The following LRP2 variants were observed in gnomAD, a reference collection of about 807,000 sequenced individuals.
LRP2 encodes low-density lipoprotein receptor-related protein 2.
LRP2 carries 172 observed loss-of-function variants against 531.0 expected under a neutral mutation model. That is an observed-to-expected ratio of 0.32 (90% confidence interval 0.29 to 0.37). The LOEUF is 0.37. Ranked by LOEUF, LRP2 falls within the 10% of genes least tolerant of loss-of-function variation. The pLI is 1.00. For missense variants in LRP2, 5,167 were observed against 5,868.3 expected (o/e 0.88, Z 3.90); for synonymous variants, 1,992 against 2,027.6 (o/e 0.98, Z 0.47).
At position 169,152,970 on chromosome 2, in the gene LRP2, G is replaced by T; in HGVS notation, c.12296-6C>A. The T allele has an allele frequency of 1.2e-6, 2 of 1,613,540 alleles. No homozygotes were observed. The highest frequency in any genetic ancestry group is 1.7e-6 in the Non-Finnish European group (2 of 1,179,826). ...CACAGTGTAATACACAACACCTACA[G>T]AGGAAGACACACAGGTCAGTTTCAT... On this transcript the variant is annotated splice_region_variant and splice_polypyrimidine_tract_variant and intron_variant, in intron 66 of 78. Transcript: ENST00000649046.
chr2:169,353,106 A>G (rs1319175758), intron 1 of LRP2, among the ~76,000 whole-genome samples: 1 of 152,200 alleles, frequency 6.6e-6, no homozygotes, highest in Non-Finnish European at 1.5e-5. Context: ...TTTTGATTTA[A>G]GAATCTCTAT....
intron 4 of LRP2, among the ~76,000 whole-genome samples, chr2:169,298,515 AG>A (rs1382625222): frequency 6.6e-6 from 1 of 152,102 alleles, no homozygotes; most frequent in African/African-American, 2.4e-5. Context: ...AGTAAGTAAC[AG>A]GAAGAAGCGA....
At chr2:169,312,637 T>C (rs1684645314) in intron 3 of LRP2, among the ~76,000 whole-genome samples, 1 of 152,196 alleles carries the variant, frequency 6.6e-6, no homozygotes, top group Non-Finnish European at 1.5e-5. Context: ...CCCTTAACAT[T>C]TTTTCCTTCA....
intron 13 of LRP2, among the ~76,000 whole-genome samples, chr2:169,275,574 T>C (rs936659083): frequency 2.0e-5 from 3 of 152,154 alleles, no homozygotes; most frequent in Non-Finnish European, 4.4e-5. Flanking sequence ...AGATGTGAAA[T>C]AGCATTTTGA....
At chr2:169,194,058 A>T (rs1249483802) in intron 46 of LRP2, among the ~76,000 whole-genome samples, 166 bp from the exon 47 acceptor site, 1 of 152,186 alleles carries the variant, frequency 6.6e-6, no homozygotes, top group East Asian at 1.9e-4. Flanking sequence ...AGCGACCAAC[A>T]GTTTGAGGTA....
chr2:169,294,069 G>T, intron 6 of LRP2, 79 bp downstream of exon 6: 1 of 939,888 alleles, frequency 1.1e-6, no homozygotes, highest in Non-Finnish European at 1.8e-6. Context: ...GTGGGGGAGC[G>T]GGGGGATAAA....
rs1686193624 is a variant in LRP2, at chr2:169,362,403, C to T, written c.-4G>A. On this transcript the variant is annotated 5_prime_UTR_variant, in exon 1 of 79. Coordinates refer to ENST00000649046, the MANE Select transcript of LRP2 (RefSeq NM_004525.3). ...CTGCTGCCGGCCCGCGATCCATCTCCGCGACGGTCCCCGGCCTCGCCGTTC... is the reference window on the plus strand; with the variant it reads ...CTGCTGCCGGCCCGCGATCCATCTCTGCGACGGTCCCCGGCCTCGCCGTTC... 1.3e-6 allele frequency: 2 copies of T among 1,557,854 alleles called. No homozygotes were observed. Among genetic ancestry groups the T allele is most frequent in the Non-Finnish European group, 1.7e-6 (2 of 1,153,672 alleles).
At chr2:169,298,969 T>C (rs566134236) in intron 4 of LRP2, among the ~76,000 whole-genome samples, 6 of 151,304 alleles carry the variant, frequency 4.0e-5, no homozygotes, top group Non-Finnish European at 8.8e-5. Context: ...CAGAGAAGCA[T>C]ATCCTTCCCC....
chr2:169,237,018 A>C, intron 28 of LRP2, 85 bp downstream of exon 28: 1 of 1,166,770 alleles, frequency 8.6e-7, no homozygotes, highest in Non-Finnish European at 1.3e-6. Context: ...TATCAGCAAC[A>C]TGCATATCAG....
At chr2:169,258,985 A>G in intron 17 of LRP2, 40 bp downstream of exon 17, 2 of 1,558,388 alleles carry the variant, frequency 1.3e-6, no homozygotes, top group Non-Finnish European at 8.9e-7. Flanking sequence ...TGTAAAAGAC[A>G]TACAGTTTCA....
At chr2:169,147,003 AC>A in intron 68 of LRP2, 44 bp from the exon 69 acceptor site, 3 of 1,401,854 alleles carry the variant, frequency 2.1e-6, no homozygotes, top group Non-Finnish European at 3.0e-6. Context: ...ACCTGGTAAG[AC>A]TTCTCCACTA....
chr2:169,201,487 G>A (rs555896347), intron 44 of LRP2, 141 bp downstream of exon 44: 184 of 1,037,270 alleles, frequency 1.8e-4, no homozygotes, highest in Admixed American at 1.6e-3. Context: ...ACTTGCTACC[G>A]CGCCTAGCCA....
At chr2:169,282,768 G>A in intron 10 of LRP2, 105 bp downstream of exon 10, 1 of 1,293,606 alleles carries the variant, frequency 7.7e-7, no homozygotes, top group Non-Finnish European at 1.1e-6. Flanking sequence ...ATAAAGCCCT[G>A]CCAACAACAA....
At chr2:169,152,722 C>T in intron 67 of LRP2, 77 bp downstream of exon 67, 5 of 1,537,336 alleles carry the variant, frequency 3.3e-6, no homozygotes, top group Non-Finnish European at 4.5e-6. Flanking sequence ...CAGACTCACT[C>T]ATGGCCCATG....
At chr2:169,246,114 A>G (rs368364923) in intron 21 of LRP2, among the ~76,000 whole-genome samples, 48 of 152,104 alleles carry the variant, frequency 3.2e-4, no homozygotes, top group African/African-American at 1.1e-3. Flanking sequence ...TGTATTTTGT[A>G]ATTTTGTATT....
chr2:169,207,150 G>A lies in LRP2; in HGVS notation c.6570C>T (p.Asp2190=). 1 of 1,613,264 alleles carries A rather than the reference G, an allele frequency of 6.2e-7. No individual in the cohort carries two copies. Among genetic ancestry groups the A allele is most frequent in the Non-Finnish European group, 8.5e-7 (1 of 1,179,616 alleles). The change falls in exon 39 of 79, where the codon GAC becomes GAT. Residue 2190 remains aspartate (D), a synonymous_variant. Transcript: ENST00000649046. ...GATCTACAACAATATGCCTAGGCAT[G>A]TCCACTGTGACTTTAAGAAGAACAC... ...YRRVLLKVTV[D]MPRHIVVDPK... is the part of the protein sequence containing the mutation.
chr2:169,162,533 T>C lies in LRP2; in HGVS notation c.11826A>G (p.Pro3942=), dbSNP rs751938222. The C allele has an allele frequency of 1.9e-6, 3 of 1,614,206 alleles. No individual in the cohort carries two copies. Among genetic ancestry groups the C allele is most frequent in the South Asian group, 1.1e-5 (1 of 91,090 alleles). ...EYKCGNGHCI[P]HDNVCDDADD... is the part of the protein sequence containing the mutation. Reference sequence around the variant, plus strand: ...CGGCATCATCACACACATTGTCATGTGGAATGCAATGCCCATTGCCACACT... The same window carrying C: ...CGGCATCATCACACACATTGTCATGCGGAATGCAATGCCCATTGCCACACT... Residue 3942 remains proline, a synonymous_variant, in exon 63 of 79, where the codon CCA becomes CCG. Transcript: ENST00000649046.
chr2:169,182,578 C>T (rs543159652), intron 50 of LRP2: 38 of 1,338,126 alleles, frequency 2.8e-5, no homozygotes, highest in East Asian at 6.8e-5. Context: ...CTTCATTCGA[C>T]GGGTCTGGTT....
Position 169,176,490 on chromosome 2 carries a change from G to A in LRP2, c.10492C>T (p.Arg3498Cys), listed in dbSNP as rs749628580. The A allele has an allele frequency of 1.6e-5, 26 of 1,614,154 alleles. No individual in the cohort carries two copies. Among genetic ancestry groups the A allele is most frequent in the East Asian group, 8.9e-5 (4 of 44,884 alleles). The change falls in exon 54 of 79, where the codon CGC (arginine) becomes TGC (cysteine). Residue 3498 changes from arginine (R) to cysteine (C), a missense_variant. Around this residue, in one of 6 missense-constraint regions of LRP2, gnomAD observed 1,129 missense variants for 1,362.7 expected, o/e 0.83. Coordinates refer to ENST00000649046, the MANE Select transcript of LRP2 (RefSeq NM_004525.3). ...GFTCECPDDF[R>C]TLQLSGSTYC... is the part of the protein sequence containing the mutation. Reference sequence around the variant, plus strand: ...GTGCTGCCACTCAGCTGAAGGGTGCGGAAGTCATCTGGACACTCGCAAGTG... The same window carrying A: ...GTGCTGCCACTCAGCTGAAGGGTGCAGAAGTCATCTGGACACTCGCAAGTG...
Sources: gnomAD v4.1 joint callset for allele counts (sites outside exome capture counted in the v4.1 genomes callset) on GRCh38, gnomAD v4.1.1 for gene constraint, gnomAD v4.1.1 regional missense constraint, MANE v1.5 for transcripts, NCBI Gene and HGNC (gene_info 2026-07-23, HGNC 2026-07-21) for gene names.